FAF1: variants seen among roughly 807,000 people sequenced by gnomAD.
FAF1 encodes FAS-associated factor 1.
In FAF1, 25 loss-of-function variants were observed where a neutral mutation model predicts 92.5. That is an observed-to-expected ratio of 0.27 (90% confidence interval 0.20 to 0.38). FAF1 has a LOEUF of 0.38. FAF1 is among the 10% of genes least tolerant of loss of function. The probability of loss-of-function intolerance (pLI) is 1.00; values close to 1 mark genes in which losing one functional copy is unlikely to be tolerated. For missense variants in FAF1, 636 were observed against 793.3 expected (o/e 0.80, Z 2.38); for synonymous variants, 234 against 273.2 (o/e 0.86, Z 1.42).
At chr1:50,734,072 C>G (rs1557499865) in intron 6 of FAF1, among the ~76,000 whole-genome samples, 1 of 152,232 alleles carries the variant, frequency 6.6e-6, no homozygotes, top group Non-Finnish European at 1.5e-5. Context: ...GTTGGGAATA[C>G]AGGCGTGAGC....
intron 6 of FAF1, among the ~76,000 whole-genome samples, chr1:50,710,733 G>A (rs574882883): frequency 6.6e-6 from 1 of 151,538 alleles, no homozygotes; most frequent in African/African-American, 2.4e-5. Context: ...CTCCTGAGTA[G>A]CTAGGACTAC....
chr1:50,526,192 C>T (rs1647789880), intron 15 of FAF1, among the ~76,000 whole-genome samples: 1 of 152,042 alleles, frequency 6.6e-6, no homozygotes, highest in African/African-American at 2.4e-5. Flanking sequence ...TAGGGTTTTG[C>T]CATGTTGCCT....
chr1:50,727,231 GAT>G (rs1658696853), intron 6 of FAF1, among the ~76,000 whole-genome samples: 1 of 152,260 alleles, frequency 6.6e-6, no homozygotes, highest in East Asian at 1.9e-4. Context: ...ACTATCATCT[GAT>G]ATTTTTTCTT....
intron 8 of FAF1, among the ~76,000 whole-genome samples, chr1:50,642,444 T>A (rs1313375995): frequency 6.6e-6 from 1 of 151,570 alleles, no homozygotes; most frequent in Non-Finnish European, 1.5e-5. Context: ...AAGTCAGGAG[T>A]TTGAGACCAG....
At chr1:50,516,012 G>A (rs1325408473) in intron 15 of FAF1, among the ~76,000 whole-genome samples, 2 of 152,092 alleles carry the variant, frequency 1.3e-5, no homozygotes, top group African/African-American at 4.8e-5. Flanking sequence ...TCAGGCACCA[G>A]TCTAAGCACT....
chr1:50,889,703 A>G (rs938866842), intron 1 of FAF1, among the ~76,000 whole-genome samples: 2 of 152,150 alleles, frequency 1.3e-5, no homozygotes, highest in Admixed American at 1.3e-4. Flanking sequence ...CCTCATTTCT[A>G]GTTTGATTGC....
intron 13 of FAF1, among the ~76,000 whole-genome samples, chr1:50,562,360 A>T (rs1292601087): frequency 1.3e-5 from 2 of 152,140 alleles, no homozygotes; most frequent in South Asian, 2.1e-4. Flanking sequence ...CAGATTATAG[A>T]GGATTATATT....
At chr1:50,455,904 C>G (rs1646346556) in intron 18 of FAF1, among the ~76,000 whole-genome samples, 2 of 151,986 alleles carry the variant, frequency 1.3e-5, no homozygotes, top group South Asian at 4.1e-4. Flanking sequence ...GAAACCCTGT[C>G]TCTACTAAAA....
chr1:50,883,082 C>A (rs1176225775), intron 1 of FAF1, among the ~76,000 whole-genome samples: 1 of 151,874 alleles, frequency 6.6e-6, no homozygotes, highest in African/African-American at 2.4e-5. Context: ...ATTTGATAAC[C>A]AGGAGGTCAC....
intron 13 of FAF1, among the ~76,000 whole-genome samples, chr1:50,564,698 A>C (rs975509483): frequency 6.6e-6 from 1 of 152,180 alleles, no homozygotes; most frequent in African/African-American, 2.4e-5. Flanking sequence ...ATACAGTAGG[A>C]AACCCAATTA....
rs184182555 is a variant in FAF1, at chr1:50,577,992, T to C, written c.1113+4626A>G. On this transcript the variant is annotated intron_variant, in intron 12 of 18. Transcript: ENST00000396153. ...CAGTTTGAAGCAGTTTTCATTAAGA[T>C]GGATTGAATGTGGCATCGTGAGAAA... is the stretch of plus-strand genomic sequence containing the variant. Among the ~76,000 whole-genome samples the C allele has an allele frequency of 2.5e-3, 375 of 152,344 alleles. 3 individuals are homozygous for C. The highest frequency in any genetic ancestry group is 3.2e-3 in the Non-Finnish European group (218 of 68,008).
At chr1:50,460,230 T>A (rs986511125) in intron 18 of FAF1, among the ~76,000 whole-genome samples, 1 of 152,202 alleles carries the variant, frequency 6.6e-6, no homozygotes, top group South Asian at 2.1e-4. Flanking sequence ...CCCAAACATA[T>A]CATACTGATT....
chr1:50,841,557 G>C (rs1167369873), intron 2 of FAF1, among the ~76,000 whole-genome samples: 1 of 151,904 alleles, frequency 6.6e-6, no homozygotes, highest in South Asian at 2.1e-4. Flanking sequence ...AAGAAATACA[G>C]GATAAACCAA....
chr1:50,912,460 G>A (rs544713725), intron 1 of FAF1, among the ~76,000 whole-genome samples: 10 of 152,296 alleles, frequency 6.6e-5, no homozygotes, highest in African/African-American at 2.4e-4. Context: ...GCCCCATCTA[G>A]GTGGTGGTAT....
At position 50,859,839 on chromosome 1, in the gene FAF1, T is replaced by C. The variant is rs557206240; in HGVS notation, c.46-1842A>G. Among the ~76,000 whole-genome samples the C allele has an allele frequency of 4.6e-5, 7 of 152,108 alleles. No homozygotes were observed. In the South Asian group the frequency reaches 1.2e-3, roughly 27 times the overall value. ...AGCTGGAGGCATCACATTATCCAAC[T>C]TCAAACTATACTGTAAGGATACAAT... On this transcript the variant is annotated intron_variant, in intron 1 of 18. Coordinates refer to ENST00000396153, the MANE Select transcript of FAF1 (RefSeq NM_007051.3).
intron 8 of FAF1, among the ~76,000 whole-genome samples, chr1:50,649,891 G>A (rs1654779803): frequency 6.6e-6 from 1 of 151,998 alleles, no homozygotes; most frequent in Admixed American, 6.6e-5. Context: ...CTTGAACCTG[G>A]GAGGTGGAGG....
chr1:50,618,159 C>T (rs1216958591), intron 8 of FAF1, among the ~76,000 whole-genome samples: 1 of 152,036 alleles, frequency 6.6e-6, no homozygotes, highest in Non-Finnish European at 1.5e-5. Flanking sequence ...TCATGCACTT[C>T]TCCAATTTTG....
At chr1:50,669,350 A>G (rs1467250395) in intron 7 of FAF1, among the ~76,000 whole-genome samples, 2 of 152,222 alleles carry the variant, frequency 1.3e-5, no homozygotes, top group Admixed American at 1.3e-4. Flanking sequence ...TCACCATTTA[A>G]TAAGTAGTTT....
At chr1:50,779,057 TG>T (rs1255562421) in intron 4 of FAF1, among the ~76,000 whole-genome samples, 13 of 152,234 alleles carry the variant, frequency 8.5e-5, no homozygotes, top group African/African-American at 3.1e-4. Context: ...ACCATGTTTA[TG>T]CATAGCGTCT....
Sources: gnomAD v4.1 joint callset for allele counts (sites outside exome capture counted in the v4.1 genomes callset) on GRCh38, gnomAD v4.1.1 for gene constraint, MANE v1.5 for transcripts, NCBI Gene and HGNC (gene_info 2026-07-23, HGNC 2026-07-21) for gene names.